Variants in ABHD12 observed in about 807,000 individuals in gnomAD.
The protein encoded by ABHD12 is lysophosphatidylserine lipase ABHD12.
In ABHD12, 43 loss-of-function variants were observed where a neutral mutation model predicts 58.3. That is an observed-to-expected ratio of 0.74 (90% CI 0.58 to 0.95). The LOEUF is 0.95. Among genes scored for constraint, ABHD12 ranks in the 40% least tolerant of loss-of-function variants. The probability of loss-of-function intolerance (pLI) is 0.00; values close to 1 mark genes in which losing one functional copy is unlikely to be tolerated. For missense variants in ABHD12, 539 were observed against 537.2 expected (o/e 1.00, Z -0.03); for synonymous variants, 219 against 211.2 (o/e 1.04, Z -0.32).
intron 1 of ABHD12, among the ~76,000 whole-genome samples, chr20:25,367,353 A>T (rs1344821210): frequency 1.3e-5 from 2 of 152,222 alleles, no homozygotes; most frequent in African/African-American, 2.4e-5. Context: ...TGGGGGGCAG[A>T]GAATTTGCCA....
At chr20:25,331,450 G>A (rs1468292987) in intron 2 of ABHD12, among the ~76,000 whole-genome samples, 1 of 152,058 alleles carries the variant, frequency 6.6e-6, no homozygotes, top group Non-Finnish European at 1.5e-5. Flanking sequence ...AGGAAATACA[G>A]AGAACGCCAC....
At chr20:25,332,582 A>G (rs1004161056) in intron 2 of ABHD12, among the ~76,000 whole-genome samples, 9 of 151,914 alleles carry the variant, frequency 5.9e-5, no homozygotes, top group Non-Finnish European at 1.3e-4. Flanking sequence ...CAAATGTAAA[A>G]GAACAGAAAT....
intron 12 of ABHD12, chr20:25,295,038 A>T: frequency 6.2e-7 from 1 of 1,614,156 alleles, no homozygotes; most frequent in Non-Finnish European, 8.5e-7. Flanking sequence ...GGTCTGTGAT[A>T]AAGGAAGTGC....
At chr20:25,370,152 GCTGA>G (rs1244375601) in intron 1 of ABHD12, among the ~76,000 whole-genome samples, 4 of 152,124 alleles carry the variant, frequency 2.6e-5, no homozygotes, top group African/African-American at 9.7e-5. Flanking sequence ...GCCTTGGGGC[GCTGA>G]CTGTGGGGGG....
downstream of ABHD12, chr20:25,295,561 G>A (rs1413102283): frequency 3.8e-6 from 6 of 1,579,938 alleles, no homozygotes; most frequent in African/African-American, 1.3e-5. Context: ...GTGTGGGCAG[G>A]GCTCCCTGCT....
intron 10 of ABHD12, among the ~76,000 whole-genome samples, chr20:25,305,111 C>A (rs1003483021): frequency 1.3e-5 from 2 of 152,172 alleles, no homozygotes; most frequent in African/African-American, 4.8e-5. Flanking sequence ...AGGTAATCCA[C>A]CTGCCTCAGC....
At chr20:25,328,525 G>A (rs941386867) in intron 2 of ABHD12, among the ~76,000 whole-genome samples, 3 of 152,198 alleles carry the variant, frequency 2.0e-5, no homozygotes, top group East Asian at 1.9e-4. Flanking sequence ...CACTGGCTCC[G>A]CTTCAGGCCT....
intron 1 of ABHD12, among the ~76,000 whole-genome samples, chr20:25,360,303 C>T (rs538983000): frequency 2.5e-5 from 3 of 120,748 alleles, no homozygotes; most frequent in Admixed American, 1.1e-4. Context: ...TGCAGTGGTG[C>T]GATCTCGGCT....
intron 10 of ABHD12, among the ~76,000 whole-genome samples, chr20:25,306,145 T>C (rs925119938): frequency 4.1e-5 from 6 of 147,976 alleles, no homozygotes; most frequent in Non-Finnish European, 7.4e-5. Flanking sequence ...ACAACCTGGG[T>C]GACAGAGCAA....
intron 1 of ABHD12, among the ~76,000 whole-genome samples, chr20:25,387,948 G>A (rs979362768): frequency 1.3e-5 from 2 of 151,160 alleles, no homozygotes; most frequent in Admixed American, 1.3e-4. Flanking sequence ...GGCTGGGGCA[G>A]GAGAATTGCT....
chr20:25,295,887 A>G (rs556523138), downstream of ABHD12, among the ~76,000 whole-genome samples: 1 of 152,316 alleles, frequency 6.6e-6, no homozygotes, highest in African/African-American at 2.4e-5. Flanking sequence ...CTAATGGCCA[A>G]GAAAGGAATG....
intron 2 of ABHD12, among the ~76,000 whole-genome samples, chr20:25,328,996 C>T (rs1466133312): frequency 6.6e-6 from 1 of 152,174 alleles, no homozygotes; most frequent in Non-Finnish European, 1.5e-5. Flanking sequence ...AGTGGTGAGA[C>T]GGGTTGGCGT....
intron 1 of ABHD12, among the ~76,000 whole-genome samples, chr20:25,361,024 A>G (rs1278892348): frequency 6.6e-6 from 1 of 152,254 alleles, no homozygotes; most frequent in Non-Finnish European, 1.5e-5. Flanking sequence ...CATCTTCCGC[A>G]GCTCTCAGAG....
In ABHD12 at chr20:25,359,187, C is replaced by T. The variant is rs915572440; in HGVS notation, c.192-19836G>A. 5.3e-5 allele frequency among the ~76,000 whole-genome samples: 8 copies of T among 151,316 alleles called. No individual in the cohort carries two copies. In the East Asian group the frequency reaches 1.6e-3, roughly 30 times the overall value. ...TTGTAATCCCAGCACTTTGGGAGGC[C>T]GAGGCGGGTGGATCACGAGGTCAGG... On this transcript the variant is annotated intron_variant, in intron 1 of 12. Transcript: ENST00000339157.
At chr20:25,334,955 G>C (rs1325758484) in intron 2 of ABHD12, among the ~76,000 whole-genome samples, 1 of 151,992 alleles carries the variant, frequency 6.6e-6, no homozygotes, top group Non-Finnish European at 1.5e-5. Flanking sequence ...ATTGACAAAT[G>C]GGATCTAATT....
In ABHD12 at chr20:25,307,941, A is replaced by T. The variant is rs191089093; in HGVS notation, c.867+25T>A. Reference sequence around the variant, plus strand: ...TAATTTATCTTAATAATGAAAAGTTAATTTTTAATAAAATCTGTACTTGCC... The same window carrying T: ...TAATTTATCTTAATAATGAAAAGTTTATTTTTAATAAAATCTGTACTTGCC... On this transcript the variant is annotated intron_variant, in intron 9 of 12. Transcript: ENST00000339157. 1.5e-3 allele frequency: 1,949 copies of T among 1,340,732 alleles called. 5 individuals carry two copies. Among genetic ancestry groups the T allele is most frequent in the Admixed American group, 2.6e-3 (153 of 58,504 alleles). 83.1% of individuals were successfully genotyped at this position (1,340,732 alleles called of 1,614,324 possible).
chr20:25,301,391 A>G (rs892157598), intron 12 of ABHD12, among the ~76,000 whole-genome samples: 1 of 152,208 alleles, frequency 6.6e-6, no homozygotes, highest in Non-Finnish European at 1.5e-5. Flanking sequence ...GCAGGGAGAA[A>G]CTGGCACCTT....
At chr20:25,325,384 G>T (rs1242803002) in intron 2 of ABHD12, among the ~76,000 whole-genome samples, 1 of 152,114 alleles carries the variant, frequency 6.6e-6, no homozygotes, top group East Asian at 1.9e-4. Flanking sequence ...AAAAGACTAT[G>T]TTCAAGGCCT....
intron 1 of ABHD12, among the ~76,000 whole-genome samples, chr20:25,378,785 C>T (rs148736523): frequency 0.014 from 2,055 of 151,092 alleles, 24 homozygotes; most frequent in Middle Eastern, 0.031. Context: ...CTGAGGTATG[C>T]GTGTATTCCC....
Sources: gnomAD v4.1 joint callset for allele counts (sites outside exome capture counted in the v4.1 genomes callset) on GRCh38, gnomAD v4.1.1 for gene constraint, MANE v1.5 for transcripts, NCBI Gene and HGNC (gene_info 2026-07-23, HGNC 2026-07-21) for gene names.